THSD4: variants seen among roughly 807,000 people sequenced by gnomAD.
THSD4 encodes the protein thrombospondin type-1 domain-containing protein 4.
Under a neutral mutation model 119.0 loss-of-function variants are expected in THSD4, and 69 were observed. The ratio of observed to expected loss-of-function variants is 0.58; its 90% CI spans 0.48 to 0.71. THSD4 has a LOEUF of 0.71. Among genes scored for constraint, THSD4 ranks in the 30% least tolerant of loss-of-function variants. THSD4 has a pLI of 0.00. For missense variants in THSD4, 1,393 were observed against 1,391.1 expected, an observed-to-expected ratio of 1.00 and a Z score of -0.02; for synonymous variants, 524 against 540.4, an observed-to-expected ratio of 0.97 and a Z score of 0.42.
At chr15:71,719,374 T>C (rs1372294513) in intron 8 of THSD4, among the ~76,000 whole-genome samples, 5 of 152,248 alleles carry the variant, frequency 3.3e-5, no homozygotes, top group Non-Finnish European at 5.9e-5. Context: ...CTGTGTGATA[T>C]CTGCGTATAT....
intron 5 of THSD4, among the ~76,000 whole-genome samples, chr15:71,250,688 A>G (rs2044250592): frequency 6.6e-6 from 1 of 152,182 alleles, no homozygotes; most frequent in Non-Finnish European, 1.5e-5. Context: ...ATTCTTTTTT[A>G]GATCTTCTTA....
intron 7 of THSD4, among the ~76,000 whole-genome samples, chr15:71,521,758 C>T (rs564312516): frequency 4.7e-4 from 71 of 152,280 alleles, no homozygotes; most frequent in African/African-American, 1.5e-3. Context: ...CTAAATGTTC[C>T]TCTGAGCTCC....
intron 8 of THSD4, among the ~76,000 whole-genome samples, chr15:71,661,906 A>G (rs1157615033): frequency 6.6e-6 from 1 of 152,166 alleles, no homozygotes; most frequent in Non-Finnish European, 1.5e-5. Context: ...CTCAACAGGG[A>G]AAAGAAGCTA....
At chr15:71,773,808 G>A (rs917509886) in intron 17 of THSD4, among the ~76,000 whole-genome samples, 3 of 152,206 alleles carry the variant, frequency 2.0e-5, no homozygotes, top group African/African-American at 7.2e-5. Flanking sequence ...GGGTACATGT[G>A]TGCTGTTGTC....
chr15:71,319,540 T>C (rs150242182), intron 6 of THSD4, among the ~76,000 whole-genome samples: 2,976 of 152,030 alleles, frequency 0.02, 100 homozygotes, highest in African/African-American at 0.064. Flanking sequence ...AGAATGATGG[T>C]TTCCAGCTTC....
At position 71,578,168 on chromosome 15, in the gene THSD4, A is replaced by ATT. The variant is rs199813532; in HGVS notation, c.1153-82361_1153-82360dup. Among the ~76,000 whole-genome samples the ATT allele has an allele frequency of 2.6e-3, 389 of 148,644 alleles. 2 individuals are homozygous for ATT. Among genetic ancestry groups the ATT allele is most frequent in the African/African-American group, 9.3e-3 (379 of 40,842 alleles). On this transcript the variant is annotated intron_variant, in intron 7 of 17. Transcript: ENST00000261862. Reference sequence around the variant, plus strand: ...ATCTATCTATATAGTATATATATTCATTATATATATAATGAATATATATAC... The same window carrying ATT: ...ATCTATCTATATAGTATATATATTCATTTTATATATATAATGAATATATATAC...
chr15:71,484,158 G>A (rs777034685), intron 7 of THSD4, among the ~76,000 whole-genome samples: 8 of 152,254 alleles, frequency 5.3e-5, no homozygotes, highest in South Asian at 2.1e-4. Flanking sequence ...CGTCTGGAAC[G>A]GAAACTTTTG....
chr15:71,100,322 C>T (rs969913769), intron 1 of THSD4, among the ~76,000 whole-genome samples: 2 of 152,210 alleles, frequency 1.3e-5, no homozygotes, highest in Non-Finnish European at 1.5e-5. Context: ...GACTCACTCT[C>T]TTCCTGGCTT....
rs7170923 is a variant in THSD4 at position 71,670,400 on chromosome 15, G to A, written c.1357+9666G>A. On this transcript the variant is annotated intron_variant, in intron 8 of 17. Coordinates refer to ENST00000261862, the MANE Select transcript of THSD4 (RefSeq NM_024817.3). Reference sequence around the variant, plus strand: ...CCAGCTTCATCCATGTCCCTACAAAGGACATGAACTCATCCTTTTTTATGG... The same window carrying A: ...CCAGCTTCATCCATGTCCCTACAAAAGACATGAACTCATCCTTTTTTATGG... Among the ~76,000 whole-genome samples, 1,340 of 151,738 alleles carry A rather than the reference G, an allele frequency of 8.8e-3. 17 individuals carry two copies. Among genetic ancestry groups the A allele is most frequent in the African/African-American group, 0.031 (1,268 of 41,366 alleles).
chr15:71,687,436 G>A (rs191715605), intron 8 of THSD4, among the ~76,000 whole-genome samples: 5 of 152,138 alleles, frequency 3.3e-5, no homozygotes, highest in Admixed American at 6.5e-5. Flanking sequence ...CCACTAAAAC[G>A]GCTGAACTCA....
chr15:71,474,094 T>C (rs1375278543), intron 7 of THSD4, among the ~76,000 whole-genome samples: 1 of 152,220 alleles, frequency 6.6e-6, no homozygotes, highest in African/African-American at 2.4e-5. Flanking sequence ...CCCAGTGTCC[T>C]AGTCTGCTCC....
At chr15:71,408,688 C>CA (rs1198592465) in intron 6 of THSD4, among the ~76,000 whole-genome samples, 3 of 151,944 alleles carry the variant, frequency 2.0e-5, no homozygotes, top group Admixed American at 1.3e-4. Flanking sequence ...CCCATCTCTA[C>CA]AAAAAATACA....
At chr15:71,691,981 G>T (rs1220387093) in intron 8 of THSD4, among the ~76,000 whole-genome samples, 1 of 152,206 alleles carries the variant, frequency 6.6e-6, no homozygotes, top group Non-Finnish European at 1.5e-5. Context: ...GGTTGGGCTG[G>T]AATGTTTAAC....
At chr15:71,156,542 G>A (rs1424358315) in intron 3 of THSD4, among the ~76,000 whole-genome samples, 1 of 152,166 alleles carries the variant, frequency 6.6e-6, no homozygotes, top group Non-Finnish European at 1.5e-5. Context: ...TGGGATTATA[G>A]GTGTGAGCCG....
intron 6 of THSD4, among the ~76,000 whole-genome samples, chr15:71,302,585 G>C (rs987290498): frequency 6.6e-6 from 1 of 152,130 alleles, no homozygotes; most frequent in Admixed American, 6.5e-5. Context: ...GGGTGGGAGT[G>C]GGGGTGGGGT....
At chr15:71,568,794 A>G (rs1456840106) in intron 7 of THSD4, among the ~76,000 whole-genome samples, 3 of 151,932 alleles carry the variant, frequency 2.0e-5, no homozygotes, top group African/African-American at 4.8e-5. Context: ...CCTGTGTCCA[A>G]GTGTTCTCAT....
At chr15:71,454,932 G>A (rs2047316846) in intron 7 of THSD4, among the ~76,000 whole-genome samples, 2 of 152,248 alleles carry the variant, frequency 1.3e-5, no homozygotes, top group South Asian at 4.1e-4. Context: ...TCCAAAGCCA[G>A]AAGCCTGTGG....
intron 17 of THSD4, among the ~76,000 whole-genome samples, chr15:71,774,601 T>C (rs2053881089): frequency 6.6e-6 from 1 of 151,930 alleles, no homozygotes; most frequent in Non-Finnish European, 1.5e-5. Flanking sequence ...ATACTAAAAA[T>C]ATGCTTTCAA....
At position 71,604,793 on chromosome 15, in the gene THSD4, C is replaced by G. The variant is rs2050076929; in HGVS notation, c.1153-55737C>G. On this transcript the variant is annotated intron_variant, in intron 7 of 17. Coordinates refer to ENST00000261862, the MANE Select transcript of THSD4 (RefSeq NM_024817.3). ...AAGCCAGAAGACTGTGGAGTGTCAT[C>G]TTTGAAGTGCCAAAAGTGAAAACAA... Among the ~76,000 whole-genome samples, 3 of 150,520 alleles carry G rather than the reference C, an allele frequency of 2.0e-5. No individual in the cohort carries two copies. The South Asian group carries it at 6.3e-4, about 32-fold the overall frequency.
Sources: gnomAD v4.1 joint callset for allele counts (sites outside exome capture counted in the v4.1 genomes callset) on GRCh38, gnomAD v4.1.1 for gene constraint, MANE v1.5 for transcripts, NCBI Gene and HGNC (gene_info 2026-07-23, HGNC 2026-07-21) for gene names.